FBXW7: variants seen among roughly 807,000 people sequenced by gnomAD.
FBXW7 encodes the protein F-box/WD repeat-containing protein 7.
FBXW7 carries 11 observed loss-of-function variants against 86.3 expected under a neutral mutation model. The ratio of observed to expected loss-of-function variants is 0.13; its 90% confidence interval spans 0.08 to 0.21. The LOEUF is 0.21. FBXW7 is among the 10% of genes least tolerant of loss of function. The pLI is 1.00. For missense variants in FBXW7, 488 were observed against 847.4 expected, an observed-to-expected ratio of 0.58 and a Z score of 5.27; for synonymous variants, 313 against 297.9, an observed-to-expected ratio of 1.05 and a Z score of -0.52.
intron 4 of FBXW7, among the ~76,000 whole-genome samples, chr4:152,384,117 T>C (rs1735325124): frequency 6.6e-6 from 1 of 152,116 alleles, no homozygotes; most frequent in Non-Finnish European, 1.5e-5. Context: ...TAGAAAATAG[T>C]ATGGCAGTTC....
chr4:152,486,753 T>C (rs78380575), intron 2 of FBXW7, among the ~76,000 whole-genome samples: 2,086 of 152,262 alleles, frequency 0.014, 27 homozygotes, highest in Middle Eastern at 0.037. Flanking sequence ...AAGTATAGCA[T>C]AGTAAATACA....
intron 2 of FBXW7, among the ~76,000 whole-genome samples, chr4:152,420,381 T>C (rs887697483): frequency 6.6e-6 from 1 of 152,132 alleles, no homozygotes; most frequent in African/African-American, 2.4e-5. Flanking sequence ...AAGTTGCCCA[T>C]GGGGGTAGAA....
At chr4:152,462,788 T>TA (rs1743069487) in intron 2 of FBXW7, among the ~76,000 whole-genome samples, 1 of 152,338 alleles carries the variant, frequency 6.6e-6, no homozygotes, top group East Asian at 1.9e-4. Flanking sequence ...ACTGCATTCT[T>TA]AAAAGAAGAA....
chr4:152,427,536 A>G (rs901610941), intron 2 of FBXW7, among the ~76,000 whole-genome samples: 2 of 152,184 alleles, frequency 1.3e-5, no homozygotes, highest in Non-Finnish European at 2.9e-5. Context: ...TGGGAACTTA[A>G]ATGTCTAGAA....
chr4:152,337,871 T>C lies in FBXW7; in HGVS notation c.792A>G (p.Gln264=), dbSNP rs1427195010. 6.2e-7 allele frequency: 1 copy of C among 1,612,742 alleles called. No homozygotes were observed. The highest frequency in any genetic ancestry group is 2.2e-5 in the East Asian group (1 of 44,738). ...DELIDSCEPT[Q]VKHMMQVIEP... ...CTATCACTTGCATCATATGTTTTAC[T>C]TGTGTTGGTTCACAACTATCAATGA... The change falls in exon 7 of 14, where the codon CAA becomes CAG. Residue 264 remains glutamine, a synonymous_variant. Transcript: ENST00000281708.
chr4:152,328,701 G>A (rs1729284470), intron 10 of FBXW7: 1 of 178,054 alleles, frequency 5.6e-6, no homozygotes, highest in Non-Finnish European at 1.2e-5. Flanking sequence ...TGGCCTCTTT[G>A]ATGAAATAAT....
chr4:152,479,376 C>T (rs1245918088), intron 2 of FBXW7, among the ~76,000 whole-genome samples: 1 of 152,026 alleles, frequency 6.6e-6, no homozygotes, highest in Non-Finnish European at 1.5e-5. Context: ...ATTTTTAAGC[C>T]TTCAGGGTTG....
At chr4:152,487,258 C>A (rs1460941995) in intron 2 of FBXW7, among the ~76,000 whole-genome samples, 1 of 152,038 alleles carries the variant, frequency 6.6e-6, no homozygotes, top group African/African-American at 2.4e-5. Flanking sequence ...CAAGGCATTA[C>A]CCCACAGATT....
chr4:152,322,701 C>A lies in FBXW7; in HGVS notation c.*180G>T. 1 of 1,030,738 alleles carries A rather than the reference C, an allele frequency of 9.7e-7. No homozygotes were observed. The highest frequency in any genetic ancestry group is 2.1e-5 in the South Asian group (1 of 47,988). 63.8% of individuals were successfully genotyped at this position (1,030,738 alleles called of 1,614,324 possible). A position where few individuals can be genotyped will look rare whatever the true frequency, so the allele number is the denominator to read the frequency against. On this transcript the variant is annotated 3_prime_UTR_variant, in exon 14 of 14. Coordinates refer to ENST00000281708, the MANE Select transcript of FBXW7 (RefSeq NM_001349798.2). ...GCCTCTCTTGTCAGTTATGGTTTGTCATCTCTTCTTCTTTTCCTTCTTAGT... is the reference window on the plus strand; with the variant it reads ...GCCTCTCTTGTCAGTTATGGTTTGTAATCTCTTCTTCTTTTCCTTCTTAGT...
chr4:152,447,778 C>T (rs188492977), intron 2 of FBXW7, among the ~76,000 whole-genome samples: 1 of 152,216 alleles, frequency 6.6e-6, no homozygotes, highest in African/African-American at 2.4e-5. Context: ...AACTGCAGTA[C>T]AACTCAAGAG....
At chr4:152,339,297 C>A (rs1240536673) in intron 6 of FBXW7, among the ~76,000 whole-genome samples, 3 of 152,086 alleles carry the variant, frequency 2.0e-5, no homozygotes, top group Non-Finnish European at 4.4e-5. Flanking sequence ...ATTTATTATA[C>A]AAAGAAATGT....
chr4:152,329,749 A>G lies in FBXW7; in HGVS notation c.1159T>C (p.Leu387=). The part of the protein sequence containing the change: ...KGHDDHVITC[L]QFCGNRIVSG... ...ACTATTCGGTTACCACAAAACTGTAAGCATGTGATCACATGATCATCATGT... is the reference window on the plus strand; with the variant it reads ...ACTATTCGGTTACCACAAAACTGTAGGCATGTGATCACATGATCATCATGT... The change falls in exon 10 of 14, where the codon TTA becomes CTA. Residue 387 remains leucine, a synonymous_variant. Coordinates refer to ENST00000281708, the MANE Select transcript of FBXW7 (RefSeq NM_001349798.2). 6.3e-7 allele frequency: 1 copy of G among 1,591,294 alleles called. No homozygotes were observed. Among genetic ancestry groups the G allele is most frequent in the South Asian group, 1.1e-5 (1 of 87,454 alleles).
At chr4:152,401,236 C>T (rs1736899370) in intron 4 of FBXW7, among the ~76,000 whole-genome samples, 1 of 152,166 alleles carries the variant, frequency 6.6e-6, no homozygotes, top group African/African-American at 2.4e-5. Context: ...AAATCCTGCA[C>T]ACAGATTTTC....
intron 4 of FBXW7, among the ~76,000 whole-genome samples, chr4:152,351,955 T>G (rs1000460789): frequency 1.3e-5 from 2 of 152,098 alleles, no homozygotes; most frequent in Admixed American, 1.3e-4. Flanking sequence ...ACTATAGAAG[T>G]CTTTTAAATA....
At chr4:152,379,191 C>CCATA (rs1176782133) in intron 4 of FBXW7, among the ~76,000 whole-genome samples, 53 of 152,074 alleles carry the variant, frequency 3.5e-4, no homozygotes, top group South Asian at 4.2e-4. Context: ...AGAAATATAA[C>CCATA]ATTACCATAA....
intron 2 of FBXW7, among the ~76,000 whole-genome samples, chr4:152,505,677 T>C (rs1250173743): frequency 6.6e-6 from 1 of 151,876 alleles, no homozygotes; most frequent in East Asian, 1.9e-4. Flanking sequence ...GGAACTGTAA[T>C]CTCCTACAAC....
chr4:152,515,753 CTTT>C (rs79255425), intron 2 of FBXW7, among the ~76,000 whole-genome samples: 22 of 129,698 alleles, frequency 1.7e-4, no homozygotes, highest in African/African-American at 4.2e-4. Flanking sequence ...CCACAACTCT[CTTT>C]TTTTTTTTTT....
chr4:152,524,185 T>A (rs1749282863), intron 2 of FBXW7, among the ~76,000 whole-genome samples: 1 of 152,348 alleles, frequency 6.6e-6, no homozygotes, highest in East Asian at 1.9e-4. Flanking sequence ...ACTATTATTA[T>A]CATCCCAGTT....
intron 2 of FBXW7, among the ~76,000 whole-genome samples, chr4:152,481,045 G>A (rs1744832559): frequency 6.6e-6 from 1 of 152,200 alleles, no homozygotes; most frequent in Non-Finnish European, 1.5e-5. Context: ...AAGAAGCCAT[G>A]TAGTACTTTC....
Sources: gnomAD v4.1 joint callset for allele counts (sites outside exome capture counted in the v4.1 genomes callset) on GRCh38, gnomAD v4.1.1 for gene constraint, MANE v1.5 for transcripts, NCBI Gene and HGNC (gene_info 2026-07-23, HGNC 2026-07-21) for gene names.